Variants in PLAU observed in about 807,000 individuals in gnomAD.
PLAU encodes urokinase-type plasminogen activator.
PLAU carries 32 observed loss-of-function variants against 48.9 expected under a neutral mutation model. The ratio of observed to expected loss-of-function variants is 0.65; its 90% CI spans 0.49 to 0.88. The LOEUF (loss-of-function observed/expected upper bound fraction) is 0.88, where lower values mean the gene tolerates loss of function less well. PLAU is among the 40% of genes least tolerant of loss of function. The pLI, the probability that PLAU is intolerant of heterozygous loss-of-function variation, is 0.00. For missense variants in PLAU, 455 were observed against 545.2 expected, an observed-to-expected ratio of 0.83 and a Z score of 1.65; for synonymous variants, 199 against 205.7, an observed-to-expected ratio of 0.97 and a Z score of 0.28.
At chr10:73,915,186 C>T in intron 9 of PLAU, 65 bp from the exon 10 acceptor site, 1 of 1,512,120 alleles carries the variant, frequency 6.6e-7, no homozygotes. Context: ...TGGTTCCCCT[C>T]TCTGGCAGAC....
rs1162735777 is a variant in PLAU at position 73,912,928 on chromosome 10, G to A, written c.198G>A (p.Lys66=). 36 of 1,608,600 alleles carry A rather than the reference G, an allele frequency of 2.2e-5. No homozygotes were observed. The highest frequency in any genetic ancestry group is 3.0e-5 in the Non-Finnish European group (35 of 1,177,558). ...CATCCTCCTGTCCCCTTGTAGATAA[G>A]TCAAAAACCTGCTATGAGGGGAATG... ...KFGGQHCEID[K]SKTCYEGNGH... Residue 66 remains lysine (K), a synonymous_variant, in exon 5 of 11, where the codon AAG becomes AAA. Coordinates refer to ENST00000372764, the MANE Select transcript of PLAU (RefSeq NM_002658.6).
rs926011121 is a variant in PLAU at position 73,917,240 on chromosome 10, C to G, written c.*675C>G. The G allele has an allele frequency of 6.6e-6, 1 of 152,616 alleles. No individual in the cohort carries two copies. The highest frequency in any genetic ancestry group is 2.4e-5 in the African/African-American group (1 of 41,426). 9.5% of individuals were successfully genotyped at this position (152,616 alleles called of 1,614,324 possible). On this transcript the variant is annotated 3_prime_UTR_variant, in exon 11 of 11. Transcript: ENST00000372764. ...AGGTTATAGGTCACTCCTGGGGCCT[C>G]TTGGGTCCCCCACGTGACAGTGCCT...
chr10:73,912,242 C>A lies in PLAU; in HGVS notation c.113C>A (p.Thr38Lys). 1 of 1,614,150 alleles carries A rather than the reference C, an allele frequency of 6.2e-7. No homozygotes were observed. Among genetic ancestry groups the A allele is most frequent in the South Asian group, 1.1e-5 (1 of 91,084 alleles). ...PSNCDCLNGG[T>K]CVSNKYFSNI... Reference sequence around the variant, plus strand: ...AACTGTGACTGTCTAAATGGAGGAACATGTGTGTCCAACAAGTACTTCTCC... The same window carrying A: ...AACTGTGACTGTCTAAATGGAGGAAAATGTGTGTCCAACAAGTACTTCTCC... The change falls in exon 4 of 11, where the codon ACA (threonine) becomes AAA (lysine). Residue 38 changes from threonine (T) to lysine (K), a missense_variant. Coordinates refer to ENST00000372764, the MANE Select transcript of PLAU (RefSeq NM_002658.6).
At chr10:73,912,676 C>A (rs770414870) in intron 4 of PLAU, among the ~76,000 whole-genome samples, 3 of 152,010 alleles carry the variant, frequency 2.0e-5, no homozygotes, top group Non-Finnish European at 4.4e-5. Flanking sequence ...CATGGTGTAA[C>A]CCTGCCTCTA....
rs201589894 is a variant in PLAU at position 73,914,735 on chromosome 10, C to T, written c.830-41C>T. On this transcript the variant is annotated intron_variant, in intron 8 of 10. Transcript: ENST00000372764. ...AGGGGACAGATGGGGACCGCCTAAC[C>T]AGTAGTGATCTTTCTCCTCTGACCC... is the stretch of plus-strand genomic sequence containing the variant. The T allele has an allele frequency of 8.5e-4, 1,365 of 1,597,006 alleles. 14 individuals carry two copies. In the South Asian group the frequency reaches 0.01, roughly 12 times the overall value.
rs377124818 is a variant in PLAU, at chr10:73,912,027, C to G, written c.58-14C>G. The G allele has an allele frequency of 1.9e-6, 3 of 1,613,420 alleles. No individual in the cohort carries two copies. Among genetic ancestry groups the G allele is most frequent in the African/African-American group, 2.7e-5 (2 of 75,012 alleles). Reference sequence around the variant, plus strand: ...TGGGACCTTTGATGAAGCCTCCTCCCGAATCTCTTCCAGGGCAGCAATGAA... The same window carrying G: ...TGGGACCTTTGATGAAGCCTCCTCCGGAATCTCTTCCAGGGCAGCAATGAA... On this transcript the variant is annotated splice_polypyrimidine_tract_variant and intron_variant, in intron 2 of 10. Coordinates refer to ENST00000372764, the MANE Select transcript of PLAU (RefSeq NM_002658.6).
Position 73,912,984 on chromosome 10 carries a change from A to ACAC in PLAU, c.257_259dup (p.Thr86dup), listed in dbSNP as rs747911170. 1 of 1,614,140 alleles carries ACAC rather than the reference A, an allele frequency of 6.2e-7. No individual in the cohort carries two copies. Among genetic ancestry groups the ACAC allele is most frequent in the South Asian group, 1.1e-5 (1 of 91,084 alleles). ...TTTTACCGAGGAAAGGCCAGCACTG[A>ACAC]CACCATGGGCCGGCCCTGCCTGCCC... On this transcript the variant is annotated inframe_insertion, in exon 5 of 11. Transcript: ENST00000372764.
intron 5 of PLAU, 62 bp downstream of exon 5, chr10:73,913,160 A>G (rs1374897496): frequency 3.2e-6 from 5 of 1,586,682 alleles, no homozygotes; most frequent in Admixed American, 1.7e-5. Flanking sequence ...CCTTGTTACC[A>G]TCCCCTTCTC....
In PLAU at chr10:73,913,051, C is replaced by T. The variant is rs765806971; in HGVS notation, c.321C>T (p.His107=). The T allele has an allele frequency of 9.3e-6, 15 of 1,614,028 alleles. No homozygotes were observed. In the East Asian group the frequency reaches 2.9e-4, roughly 31 times the overall value. ...TCCTTCAGCAAACGTACCATGCCCA[C>T]AGATCTGATGCTCTTCAGCTGGGCC... is the stretch of plus-strand genomic sequence containing the variant. ...ATVLQQTYHA[H]RSDALQLGLG... Residue 107 remains histidine, a synonymous_variant, in exon 5 of 11, where the codon CAC becomes CAT. Transcript: ENST00000372764.
rs1223098206 is a variant in PLAU at position 73,916,811 on chromosome 10, C to G, written c.*246C>G. ...CCTGACTCAACATGTTACTGACCAG[C>G]AACTTGTCTTTTTCTGGACTGAAGC... On this transcript the variant is annotated 3_prime_UTR_variant, in exon 11 of 11. Coordinates refer to ENST00000372764, the MANE Select transcript of PLAU (RefSeq NM_002658.6). 7 of 483,806 alleles carry G rather than the reference C, an allele frequency of 1.4e-5. No homozygotes were observed. 30.0% of individuals were successfully genotyped at this position (483,806 alleles called of 1,614,324 possible). A position where few individuals can be genotyped will look rare whatever the true frequency, so the allele number is the denominator to read the frequency against.
chr10:73,910,705 C>T (rs531449884), upstream of PLAU: 1 of 152,376 alleles, frequency 6.6e-6, no homozygotes, highest in East Asian at 1.9e-4. Flanking sequence ...ATGAAGACTT[C>T]ACAGCTCCAT....
chr10:73,916,603 T>C lies in PLAU; in HGVS notation c.*38T>C. On this transcript the variant is annotated 3_prime_UTR_variant, in exon 11 of 11. Transcript: ENST00000372764. ...AGGAAACGGGCACCACCCGCTTTCT[T>C]GCTGGTTGTCATTTTTGCAGTAGAG... is the stretch of plus-strand genomic sequence containing the variant. 1 of 1,542,210 alleles carries C rather than the reference T, an allele frequency of 6.5e-7. No individual in the cohort carries two copies. The highest frequency in any genetic ancestry group is 8.8e-7 in the Non-Finnish European group (1 of 1,130,880).
Position 73,911,173 on chromosome 10 carries a change from A to G in PLAU, c.-77A>G, listed in dbSNP as rs1591612289. On this transcript the variant is annotated 5_prime_UTR_variant, in exon 1 of 11. Transcript: ENST00000372764. Reference sequence around the variant, plus strand: ...AGCCCCGGAGCCCGGGCCAGGGTCCACCTGTCCCCGCAGCGCCGGCTCGCG... The same window carrying G: ...AGCCCCGGAGCCCGGGCCAGGGTCCGCCTGTCCCCGCAGCGCCGGCTCGCG... 3.7e-6 allele frequency: 1 copy of G among 272,438 alleles called. No individual in the cohort carries two copies. Among genetic ancestry groups the G allele is most frequent in the African/African-American group, 2.3e-5 (1 of 43,370 alleles). The allele number at this position is 272,438 out of a possible 1,614,324, so 16.9% of individuals were successfully genotyped here. A position where few individuals can be genotyped will look rare whatever the true frequency, so the allele number is the denominator to read the frequency against.
rs2096139493 is a variant in PLAU at position 73,917,451 on chromosome 10, TG to T, written c.*887del. The stretch of plus-strand genomic sequence containing the variant: ...ATTTCACTATTTTTATTTATATTTT[TG>T]TAATTTTAAATAAAAGTGATCAATA... On this transcript the variant is annotated 3_prime_UTR_variant, in exon 11 of 11. Coordinates refer to ENST00000372764, the MANE Select transcript of PLAU (RefSeq NM_002658.6). 1.3e-5 allele frequency: 2 copies of T among 152,684 alleles called. No individual in the cohort carries two copies. Among genetic ancestry groups the T allele is most frequent in the Admixed American group, 1.3e-4 (2 of 15,284 alleles). 9.5% of individuals were successfully genotyped at this position (152,684 alleles called of 1,614,324 possible). A position where few individuals can be genotyped will look rare whatever the true frequency, so the allele number is the denominator to read the frequency against.
intron 5 of PLAU, 58 bp from the exon 6 acceptor site, chr10:73,913,232 G>C (rs2096128579): frequency 6.3e-7 from 1 of 1,577,272 alleles, no homozygotes; most frequent in African/African-American, 1.3e-5. Flanking sequence ...CCTGAGGGGA[G>C]GAGGCAGGGA....
chr10:73,911,296 G>A (rs936034069), intron 1 of PLAU, 78 bp downstream of exon 1: 7 of 578,654 alleles, frequency 1.2e-5, no homozygotes, highest in African/African-American at 1.2e-4. Context: ...CCCCCGCCCT[G>A]GGCTGCCCGG....
intron 7 of PLAU, 111 bp downstream of exon 7, chr10:73,913,869 A>G (rs2136189009): frequency 2.2e-6 from 3 of 1,372,820 alleles, no homozygotes; most frequent in East Asian, 2.3e-5. Flanking sequence ...GCCCCTGTCC[A>G]TGCAGCCCAT....
chr10:73,913,245 G>T, intron 5 of PLAU, 45 bp from the exon 6 acceptor site: 9 of 1,598,898 alleles, frequency 5.6e-6, no homozygotes, highest in Non-Finnish European at 6.0e-6. Flanking sequence ...GGCAGGGAAG[G>T]CCCTCTGGGT....
Position 73,914,763 on chromosome 10 carries a change from T to G in PLAU, c.830-13T>G. On this transcript the variant is annotated splice_polypyrimidine_tract_variant and intron_variant, in intron 8 of 10. Coordinates refer to ENST00000372764, the MANE Select transcript of PLAU (RefSeq NM_002658.6). ...TAGTGATCTTTCTCCTCTGACCCTC[T>G]GTCCTCCCCCAGCCTTGCTGAAGAT... 6.2e-7 allele frequency: 1 copy of G among 1,611,844 alleles called. No individual in the cohort carries two copies. The highest frequency in any genetic ancestry group is 8.5e-7 in the Non-Finnish European group (1 of 1,178,814).
Sources: allele counts gnomAD v4.1 joint callset (sites outside exome capture counted in the v4.1 genomes callset), GRCh38; gene constraint gnomAD v4.1.1; transcripts MANE v1.5; gene names NCBI Gene and HGNC (gene_info 2026-07-23, HGNC 2026-07-21).